MPZ: variants seen among roughly 807,000 people sequenced by gnomAD.
MPZ encodes myelin protein P0.
In MPZ, 13 loss-of-function variants were observed where a neutral mutation model predicts 27.9. The ratio of observed to expected loss-of-function variants is 0.47; its 90% CI spans 0.30 to 0.74. MPZ has a LOEUF of 0.74. Among genes scored for constraint, MPZ ranks in the 30% least tolerant of loss-of-function variants. The probability of loss-of-function intolerance (pLI) is 0.06; values close to 1 mark genes in which losing one functional copy is unlikely to be tolerated. For synonymous variants in MPZ, 118 were observed against 128.9 expected (o/e 0.92, Z 0.57); for missense variants, 256 against 317.5 (o/e 0.81, Z 1.47).
At chr1:161,307,559 C>G (rs1001647502) in intron 1 of MPZ, 135 bp from the exon 2 acceptor site, 22 of 913,918 alleles carry the variant, frequency 2.4e-5, no homozygotes, top group African/African-American at 3.3e-5. Context: ...AAATTCTGAG[C>G]CCCAAGTCTC....
In MPZ at chr1:161,305,984, G is replaced by A. The variant is rs377495735; in HGVS notation, c.646-7C>T. Reference sequence around the variant, plus strand: ...TTGCATACAGCACTGGCGTCTGGGGGAGGGGCGCACACATCAGTCACCGAG... The same window carrying A: ...TTGCATACAGCACTGGCGTCTGGGGAAGGGGCGCACACATCAGTCACCGAG... On this transcript the variant is annotated splice_region_variant and splice_polypyrimidine_tract_variant and intron_variant, in intron 5 of 5. Coordinates refer to ENST00000533357, the MANE Select transcript of MPZ (RefSeq NM_000530.8). 8.1e-6 allele frequency: 13 copies of A among 1,613,456 alleles called. No homozygotes were observed. The highest frequency in any genetic ancestry group is 5.3e-5 in the African/African-American group (4 of 74,876).
rs6682046 is a variant in MPZ, at chr1:161,305,516, G to A, written c.*360C>T. 4 of 277,126 alleles carry A rather than the reference G, an allele frequency of 1.4e-5. No individual in the cohort carries two copies. Among genetic ancestry groups the A allele is most frequent in the African/African-American group, 2.2e-5 (1 of 44,994 alleles). The allele number at this position is 277,126 out of a possible 1,614,324, so 17.2% of individuals were successfully genotyped here. A position where few individuals can be genotyped will look rare whatever the true frequency, so the allele number is the denominator to read the frequency against. Reference sequence around the variant, plus strand: ...CTCCCAGAAAGCCAGGGGTGAAGGTGGGGGAGAATACAATTGCCTGGGGAA... The same window carrying A: ...CTCCCAGAAAGCCAGGGGTGAAGGTAGGGGAGAATACAATTGCCTGGGGAA... On this transcript the variant is annotated 3_prime_UTR_variant, in exon 6 of 6. Transcript: ENST00000533357.
chr1:161,306,405 G>A lies in MPZ; in HGVS notation c.508C>T (p.Leu170=). The change falls in exon 4 of 6, where the codon CTG becomes TTG. Residue 170 remains leucine (L), a synonymous_variant. Transcript: ENST00000533357. ...ACGTAGAAAAGCAGCAGCAGCAACA[G>A]CACCACCCCGAGGACACCCCCGATC... The part of the protein sequence containing the change: ...AVIGGVLGVV[L]LLLLLFYVVR... The A allele has an allele frequency of 1.2e-6, 2 of 1,614,164 alleles. No individual in the cohort carries two copies. Among genetic ancestry groups the A allele is most frequent in the South Asian group, 2.2e-5 (2 of 91,086 alleles).
intron 3 of MPZ, 58 bp from the exon 4 acceptor site, chr1:161,306,522 T>C (rs976303432): frequency 1.2e-6 from 2 of 1,610,308 alleles, no homozygotes; most frequent in African/African-American, 2.7e-5. Flanking sequence ...CTGTGGTTCC[T>C]AGTCCGAGTG....
chr1:161,306,388 A>AAGCAGCAGC lies in MPZ; in HGVS notation c.516_524dup (p.Leu173_Leu175dup), dbSNP rs773985557. 1 of 1,614,138 alleles carries AAGCAGCAGC rather than the reference A, an allele frequency of 6.2e-7. No homozygotes were observed. The highest frequency in any genetic ancestry group is 8.5e-7 in the Non-Finnish European group (1 of 1,180,004). Reference sequence around the variant, plus strand: ...GCCAGCAGTACCGAACCACGTAGAAAAGCAGCAGCAGCAACAGCACCACCC... The same window carrying AAGCAGCAGC: ...GCCAGCAGTACCGAACCACGTAGAAAAGCAGCAGCAGCAGCAGCAGCAACAGCACCACCC... On this transcript the variant is annotated inframe_insertion, in exon 4 of 6. Coordinates refer to ENST00000533357, the MANE Select transcript of MPZ (RefSeq NM_000530.8).
Position 161,309,895 on chromosome 1 carries a change from C to T in MPZ, c.11G>A (p.Gly4Glu). ...AGGGCTGGGGCTGGATGAGGGAGCCCCAGGAGCCATAGCTGGGGCAGGGGC... is the reference window on the plus strand; with the variant it reads ...AGGGCTGGGGCTGGATGAGGGAGCCTCAGGAGCCATAGCTGGGGCAGGGGC... MAP[G>E]APSSSPSPIL... Residue 4 changes from glycine to glutamate, a missense_variant, in exon 1 of 6, where the codon GGG becomes GAG. This residue lies in a region of MPZ where 155 missense variants were observed against 223.9 expected (regional missense o/e 0.69). Coordinates refer to ENST00000533357, the MANE Select transcript of MPZ (RefSeq NM_000530.8). 1 of 1,588,646 alleles carries T rather than the reference C, an allele frequency of 6.3e-7. No individual in the cohort carries two copies. The highest frequency in any genetic ancestry group is 8.6e-7 in the Non-Finnish European group (1 of 1,168,686).
intron 1 of MPZ, among the ~76,000 whole-genome samples, chr1:161,308,649 C>T (rs1379145314): frequency 2.0e-5 from 3 of 152,202 alleles, no homozygotes; most frequent in African/African-American, 4.8e-5. Context: ...TCTTGGGAAT[C>T]CCCCTTGTTT....
intron 2 of MPZ, 97 bp downstream of exon 2, chr1:161,307,161 C>G (rs1381621597): frequency 1.3e-6 from 2 of 1,512,214 alleles, no homozygotes; most frequent in African/African-American, 2.8e-5. Context: ...GGTTATGGCT[C>G]AAAAAGGATT....
At chr1:161,303,803 C>T (rs1670166016), downstream of MPZ, among the ~76,000 whole-genome samples, 1 of 152,122 alleles carries the variant, frequency 6.6e-6, no homozygotes, top group Non-Finnish European at 1.5e-5. Context: ...TCCCACTTCC[C>T]CCCAACAAAA....
chr1:161,306,012 A>G (rs1424293909), intron 5 of MPZ, 35 bp from the exon 6 acceptor site: 3 of 1,609,732 alleles, frequency 1.9e-6, no homozygotes, highest in Non-Finnish European at 2.6e-6. Flanking sequence ...TCACCGAGCG[A>G]CTGGGGCTTG....
intron 4 of MPZ, 66 bp from the exon 5 acceptor site, chr1:161,306,234 C>T: frequency 1.9e-6 from 3 of 1,611,958 alleles, no homozygotes; most frequent in Non-Finnish European, 2.5e-6. Context: ...GACACAGCTT[C>T]CTCTTCCCCT....
rs540716114 is a variant in MPZ, at chr1:161,305,812, T to A, written c.*64A>T. 8.2e-7 allele frequency: 1 copy of A among 1,220,130 alleles called. No homozygotes were observed. The highest frequency in any genetic ancestry group is 1.9e-5 in the Admixed American group (1 of 53,714). 75.6% of individuals were successfully genotyped at this position (1,220,130 alleles called of 1,614,324 possible). On this transcript the variant is annotated 3_prime_UTR_variant, in exon 6 of 6. Coordinates refer to ENST00000533357, the MANE Select transcript of MPZ (RefSeq NM_000530.8). Reference sequence around the variant, plus strand: ...TTTCGTAGCTCCATCTCGATGACCATCACCTTTGGGCCTTTGGCGGACTCC... The same window carrying A: ...TTTCGTAGCTCCATCTCGATGACCAACACCTTTGGGCCTTTGGCGGACTCC...
At chr1:161,306,500 A>T in intron 3 of MPZ, 36 bp from the exon 4 acceptor site, 1 of 1,614,082 alleles carries the variant, frequency 6.2e-7, no homozygotes, top group East Asian at 2.2e-5. Context: ...GAGAATGAGC[A>T]GGGCCCTGTA....
rs977151435 is a variant in MPZ at position 161,305,579 on chromosome 1, GAGGGC to G, written c.*292_*296del. 1.3e-5 allele frequency: 6 copies of G among 447,558 alleles called. No homozygotes were observed. Among genetic ancestry groups the G allele is most frequent in the East Asian group, 7.6e-5 (2 of 26,352 alleles). 27.7% of individuals were successfully genotyped at this position (447,558 alleles called of 1,614,324 possible). A position where few individuals can be genotyped will look rare whatever the true frequency, so the allele number is the denominator to read the frequency against. On this transcript the variant is annotated 3_prime_UTR_variant, in exon 6 of 6. Transcript: ENST00000533357. ...TGAAACTTACATCTCAAAGGGAGGTGAGGGCAGGGCAGGGCGGGGGAGCAAAGAGG... is the reference window on the plus strand; with the variant it reads ...TGAAACTTACATCTCAAAGGGAGGTGAGGGCAGGGCGGGGGAGCAAAGAGG...
rs1399604509 is a variant in MPZ, at chr1:161,304,865, C to G, written c.*1011G>C. On this transcript the variant is annotated 3_prime_UTR_variant, in exon 6 of 6. Transcript: ENST00000533357. ...AGCCTCTTCCTCCCCCCCGCCCCCC[C>G]ATTTCCCATTTGTTTTTCCTGCTTT... 1 of 142,602 alleles carries G rather than the reference C, an allele frequency of 7.0e-6. No homozygotes were observed. Among genetic ancestry groups the G allele is most frequent in the Non-Finnish European group, 1.6e-5 (1 of 63,762 alleles). The allele number at this position is 142,602 out of a possible 1,614,324, so 8.8% of individuals were successfully genotyped here.
rs1245060179 is a variant in MPZ at position 161,305,229 on chromosome 1, AC to A, written c.*646del. On this transcript the variant is annotated 3_prime_UTR_variant, in exon 6 of 6. Coordinates refer to ENST00000533357, the MANE Select transcript of MPZ (RefSeq NM_000530.8). ...AAATAAAAAATAATAACCTAAATAA[AC>A]CCTGAAGGAGAGTCTGATCTGGGTG... The A allele has an allele frequency of 6.6e-6, 1 of 152,048 alleles. No individual in the cohort carries two copies. The highest frequency in any genetic ancestry group is 1.5e-5 in the Non-Finnish European group (1 of 68,104). The allele number at this position is 152,048 out of a possible 1,614,324, so 9.4% of individuals were successfully genotyped here. A position where few individuals can be genotyped will look rare whatever the true frequency, so the allele number is the denominator to read the frequency against.
At chr1:161,309,535 C>CTCATAT (rs1553259988) in intron 1 of MPZ, among the ~76,000 whole-genome samples, 28 of 112,396 alleles carry the variant, frequency 2.5e-4, no homozygotes, top group South Asian at 1.1e-3. Flanking sequence ...TTTTTCTTTT[C>CTCATAT]ATATATATAT....
chr1:161,306,192 C>A (rs760400825), intron 4 of MPZ, 24 bp from the exon 5 acceptor site: 1 of 1,613,998 alleles, frequency 6.2e-7, no homozygotes, highest in South Asian at 1.1e-5. Context: ...GACTGCTGTA[C>A]GTTTGGCCTC....
In MPZ at chr1:161,306,378, C is replaced by G. The variant is rs754052112; in HGVS notation, c.535G>C (p.Val179Leu). Reference sequence around the variant, plus strand: ...TGCCTGCGTAGCCAGCAGTACCGAACCACGTAGAAAAGCAGCAGCAGCAAC... The same window carrying G: ...TGCCTGCGTAGCCAGCAGTACCGAAGCACGTAGAAAAGCAGCAGCAGCAAC... ...VLLLLLLFYV[V>L]RYCWLRRQAA... The change falls in exon 4 of 6, where the codon GTT becomes CTT. Residue 179 changes from valine to leucine, a missense_variant. By Grantham distance (32) the Val-to-Leu change is conservative. Coordinates refer to ENST00000533357, the MANE Select transcript of MPZ (RefSeq NM_000530.8). The G allele has an allele frequency of 6.2e-7, 1 of 1,614,196 alleles. No homozygotes were observed. The highest frequency in any genetic ancestry group is 1.1e-5 in the South Asian group (1 of 91,092).
Sources: allele counts gnomAD v4.1 joint callset (sites outside exome capture counted in the v4.1 genomes callset), GRCh38; gene constraint gnomAD v4.1.1; regional missense constraint gnomAD v4.1.1; transcripts MANE v1.5; gene names NCBI Gene and HGNC (gene_info 2026-07-23, HGNC 2026-07-21).